The following GRID2 variants were observed in gnomAD, a reference collection of about 807,000 sequenced individuals.
GRID2 encodes glutamate receptor ionotropic, delta-2.
Under a neutral mutation model 114.8 loss-of-function variants are expected in GRID2, and 33 were observed. The observed-to-expected ratio is 0.29, with a 90% CI of 0.22 to 0.38. GRID2 has a LOEUF of 0.38. Ranked by LOEUF, GRID2 falls within the 10% of genes least tolerant of loss-of-function variation. The pLI is 1.00. For synonymous variants in GRID2, 505 were observed against 449.9 expected, an observed-to-expected ratio of 1.12 and a Z score of -1.55; for missense variants, 1,184 against 1,257.7, an observed-to-expected ratio of 0.94 and a Z score of 0.89.
chr4:92,426,129 T>C (rs774518752), intron 1 of GRID2, among the ~76,000 whole-genome samples: 27 of 152,222 alleles, frequency 1.8e-4, no homozygotes, highest in Admixed American at 2.0e-4. Flanking sequence ...TTGTACTTCA[T>C]ACATCTCTGG....
At chr4:92,861,388 G>C (rs938113517) in intron 2 of GRID2, among the ~76,000 whole-genome samples, 17 of 152,070 alleles carry the variant, frequency 1.1e-4, no homozygotes, top group African/African-American at 4.1e-4. Context: ...GAATTACGCA[G>C]GGGACACGCA....
intron 2 of GRID2, among the ~76,000 whole-genome samples, chr4:93,066,567 A>C (rs555260463): frequency 3.9e-5 from 6 of 152,092 alleles, no homozygotes; most frequent in Admixed American, 1.3e-4. Context: ...GAAACTATAG[A>C]TAATACTGTA....
At chr4:93,153,480 C>A (rs1485016398) in intron 4 of GRID2, among the ~76,000 whole-genome samples, 1 of 152,064 alleles carries the variant, frequency 6.6e-6, no homozygotes, top group Non-Finnish European at 1.5e-5. Flanking sequence ...AAAGCTTTTT[C>A]ATCCTTTTCC....
chr4:92,678,888 A>G (rs567044636), intron 2 of GRID2, among the ~76,000 whole-genome samples: 5 of 152,042 alleles, frequency 3.3e-5, no homozygotes, highest in East Asian at 1.9e-4. Context: ...AGGATTATAG[A>G]ATAAGAATCA....
At chr4:92,633,359 A>G (rs1017422901) in intron 2 of GRID2, among the ~76,000 whole-genome samples, 2 of 152,154 alleles carry the variant, frequency 1.3e-5, no homozygotes, top group African/African-American at 4.8e-5. Flanking sequence ...GACTGCCTCT[A>G]AAAGAGCAAA....
chr4:92,731,305 G>T (rs1362094575), intron 2 of GRID2, among the ~76,000 whole-genome samples: 7 of 151,364 alleles, frequency 4.6e-5, no homozygotes, highest in Admixed American at 4.6e-4. Context: ...CTACTGTCGG[G>T]TAATTGCCAT....
chr4:92,441,175 G>A (rs1464286721), intron 1 of GRID2, among the ~76,000 whole-genome samples: 1 of 152,136 alleles, frequency 6.6e-6, no homozygotes, highest in African/African-American at 2.4e-5. Context: ...GGAAGGAAAG[G>A]AGTTGTTGTT....
At chr4:93,806,580 A>G (rs1735038162) in intron 1 of GRID2, 1 of 152,240 alleles carries the variant, frequency 6.6e-6, no homozygotes, top group African/African-American at 2.4e-5. Flanking sequence ...TGCATCATCA[A>G]TCATCATGCT....
rs958905458 is a variant in GRID2 at position 93,141,147 on chromosome 4, C to G, written c.735+30194C>G. ...ATTGATATGTTTCTGTTATTTATTA[C>G]TATTTTGTAGTTCTATTTATTTTGT... On this transcript the variant is annotated intron_variant, in intron 4 of 15. Transcript: ENST00000282020. Among the ~76,000 whole-genome samples, 2 of 151,884 alleles carry G rather than the reference C, an allele frequency of 1.3e-5. 1 individual carries two copies. Among genetic ancestry groups the G allele is most frequent in the Admixed American group, 1.3e-4 (2 of 15,248 alleles).
Position 93,270,691 on chromosome 4 carries a change from C to T in GRID2, c.1245+32201C>T, listed in dbSNP as rs747603382. On this transcript the variant is annotated intron_variant, in intron 8 of 15. Transcript: ENST00000282020. ...CTGCCCAGGCTGGAGTGCAGTGGCA[C>T]AATTTCGGCTCACTGCAACCTCTGT... is the stretch of plus-strand genomic sequence containing the variant. Among the ~76,000 whole-genome samples the T allele has an allele frequency of 5.3e-5, 8 of 152,150 alleles. No homozygotes were observed. The South Asian group carries it at 1.5e-3, about 28-fold the overall frequency.
chr4:93,383,383 T>G (rs542919594), intron 8 of GRID2, among the ~76,000 whole-genome samples: 1 of 152,306 alleles, frequency 6.6e-6, no homozygotes, highest in East Asian at 1.9e-4. Context: ...TGCCTGCCAT[T>G]GGACTAAGGG....
At chr4:93,784,643 T>TACAC (rs1405324186) in intron 1 of GRID2, among the ~76,000 whole-genome samples, 908 of 59,840 alleles carry the variant, frequency 0.015, 11 homozygotes, top group African/African-American at 0.064. Flanking sequence ...GAGTCCTTTT[T>TACAC]ATACACACAC....
intron 1 of GRID2, among the ~76,000 whole-genome samples, chr4:93,804,405 T>C (rs902325537): frequency 1.3e-5 from 2 of 152,138 alleles, no homozygotes; most frequent in Non-Finnish European, 2.9e-5. Flanking sequence ...AACCTATTGC[T>C]CTGAGGCTAC....
intron 2 of GRID2, among the ~76,000 whole-genome samples, chr4:93,077,911 A>G (rs1057001626): frequency 5.3e-5 from 8 of 152,248 alleles, no homozygotes; most frequent in Non-Finnish European, 7.3e-5. Context: ...GAAAAGCTAC[A>G]TAACTCATAA....
chr4:93,681,549 C>A (rs1725538683), intron 14 of GRID2, among the ~76,000 whole-genome samples: 1 of 152,018 alleles, frequency 6.6e-6, no homozygotes, highest in African/African-American at 2.4e-5. Flanking sequence ...GCTACAGTAA[C>A]CAAAACAGCA....
intron 13 of GRID2, among the ~76,000 whole-genome samples, chr4:93,553,832 G>A (rs1734028287): frequency 6.6e-6 from 1 of 152,018 alleles, no homozygotes; most frequent in African/African-American, 2.4e-5. Context: ...TACTATCTAT[G>A]TTTCTAAGAT....
chr4:93,681,016 T>C (rs962593992), intron 14 of GRID2, among the ~76,000 whole-genome samples: 3 of 151,418 alleles, frequency 2.0e-5, no homozygotes, highest in African/African-American at 7.3e-5. Context: ...GACATGATTG[T>C]ATATCTAGAA....
chr4:93,188,248 C>T (rs955751645), intron 4 of GRID2, among the ~76,000 whole-genome samples: 4 of 152,200 alleles, frequency 2.6e-5, no homozygotes, highest in African/African-American at 9.7e-5. Context: ...CTAGAGTCAT[C>T]CGTGCCTCCA....
At chr4:92,841,161 A>C (rs984174925) in intron 2 of GRID2, among the ~76,000 whole-genome samples, 2 of 152,086 alleles carry the variant, frequency 1.3e-5, no homozygotes, top group Non-Finnish European at 1.5e-5. Flanking sequence ...ACCACATAAT[A>C]GAACAAGTTA....
Sources: allele counts gnomAD v4.1 joint callset (sites outside exome capture counted in the v4.1 genomes callset), GRCh38; gene constraint gnomAD v4.1.1; transcripts MANE v1.5; gene names NCBI Gene and HGNC (gene_info 2026-07-23, HGNC 2026-07-21).